The following MAGI2 variants were observed in gnomAD, a reference collection of about 807,000 sequenced individuals.
MAGI2 encodes membrane associated guanylate kinase, WW and PDZ domain containing 2, also known as membrane-associated guanylate kinase, WW and PDZ domain-containing protein 2.
Under a neutral mutation model 133.3 loss-of-function variants are expected in MAGI2, and 35 were observed. That is an observed-to-expected ratio of 0.26 (90% CI 0.20 to 0.35). The LOEUF (loss-of-function observed/expected upper bound fraction) is 0.35, where lower values mean the gene tolerates loss of function less well. Ranked by LOEUF, MAGI2 falls within the 10% of genes least tolerant of loss-of-function variation. MAGI2 has a pLI of 1.00. For missense variants in MAGI2, 1,636 were observed against 1,863.4 expected (o/e 0.88, Z 2.25); for synonymous variants, 729 against 710.6 (o/e 1.03, Z -0.41).
At chr7:78,943,732 T>C (rs1801176644) in intron 2 of MAGI2, among the ~76,000 whole-genome samples, 1 of 152,200 alleles carries the variant, frequency 6.6e-6, no homozygotes, top group Admixed American at 6.5e-5. Context: ...TAGCATTTTG[T>C]TGCCTCGGTG....
At chr7:78,314,206 A>G (rs567173480) in intron 9 of MAGI2, among the ~76,000 whole-genome samples, 46 of 152,192 alleles carry the variant, frequency 3.0e-4, no homozygotes, top group Admixed American at 6.6e-4. Context: ...GGGTAGCTCA[A>G]GAGCCATATA....
At chr7:78,477,322 G>T (rs1435225488) in intron 6 of MAGI2, among the ~76,000 whole-genome samples, 2 of 151,928 alleles carry the variant, frequency 1.3e-5, no homozygotes, top group African/African-American at 2.4e-5. Context: ...AACAACAGAA[G>T]CTAATTCTTT....
At chr7:79,333,979 ATT>A (rs1315561073) in intron 1 of MAGI2, among the ~76,000 whole-genome samples, 1 of 152,190 alleles carries the variant, frequency 6.6e-6, no homozygotes, top group Non-Finnish European at 1.5e-5. Context: ...AATATTTAGT[ATT>A]TTAGAGTTAA....
intron 2 of MAGI2, among the ~76,000 whole-genome samples, chr7:78,956,665 G>A (rs1210067442): frequency 1.3e-5 from 2 of 152,268 alleles, no homozygotes; most frequent in South Asian, 2.1e-4. Flanking sequence ...AGATGAAGAG[G>A]GAACAACTGT....
intron 12 of MAGI2, among the ~76,000 whole-genome samples, chr7:78,192,129 C>G (rs982146544): frequency 6.6e-6 from 1 of 152,140 alleles, no homozygotes; most frequent in Non-Finnish European, 1.5e-5. Context: ...AGGAAGGACA[C>G]CATGAGATCA....
chr7:78,251,472 T>C (rs1792375121), intron 10 of MAGI2: 1 of 152,134 alleles, frequency 6.6e-6, no homozygotes, highest in Admixed American at 6.6e-5. Context: ...CTACATAGAA[T>C]ATATTATGGA....
chr7:79,334,649 G>A (rs1840308413), intron 1 of MAGI2, among the ~76,000 whole-genome samples: 2 of 152,102 alleles, frequency 1.3e-5, no homozygotes, highest in South Asian at 4.1e-4. Context: ...AAATAGTAAT[G>A]TTGTATTACC....
intron 16 of MAGI2, among the ~76,000 whole-genome samples, chr7:78,152,686 G>C (rs1402667502): frequency 6.6e-6 from 1 of 152,186 alleles, no homozygotes; most frequent in Non-Finnish European, 1.5e-5. Context: ...GAGGATATGT[G>C]CTTATCTTCG....
intron 16 of MAGI2, among the ~76,000 whole-genome samples, chr7:78,138,940 T>G (rs1389320519): frequency 6.6e-6 from 1 of 152,204 alleles, no homozygotes; most frequent in South Asian, 2.1e-4. Flanking sequence ...AGCGAATGAC[T>G]ATTGAGACTT....
At chr7:78,963,030 A>C (rs1393535547) in intron 2 of MAGI2, among the ~76,000 whole-genome samples, 1 of 152,092 alleles carries the variant, frequency 6.6e-6, no homozygotes, top group Non-Finnish European at 1.5e-5. Context: ...ATTTATCTTC[A>C]CTTGCTCCCT....
intron 1 of MAGI2, among the ~76,000 whole-genome samples, chr7:79,048,771 C>G (rs576332326): frequency 5.9e-5 from 9 of 152,050 alleles, no homozygotes; most frequent in African/African-American, 1.9e-4. Flanking sequence ...GTCGGGAGTT[C>G]GAGACCAGCC....
At chr7:79,060,263 A>G (rs1198305005) in intron 1 of MAGI2, among the ~76,000 whole-genome samples, 1 of 152,170 alleles carries the variant, frequency 6.6e-6, no homozygotes, top group African/African-American at 2.4e-5. Context: ...GGAAAATGCC[A>G]ATGATACATG....
At chr7:78,445,659 T>C (rs566735676) in intron 6 of MAGI2, among the ~76,000 whole-genome samples, 2 of 152,202 alleles carry the variant, frequency 1.3e-5, no homozygotes, top group East Asian at 3.9e-4. Context: ...AATTTCATGT[T>C]CTGGAAAATT....
chr7:78,800,038 T>G (rs551328941), intron 2 of MAGI2, among the ~76,000 whole-genome samples: 1 of 152,268 alleles, frequency 6.6e-6, no homozygotes, highest in South Asian at 2.1e-4. Flanking sequence ...TGATTAAACT[T>G]GCCCCTAGCA....
intron 6 of MAGI2, among the ~76,000 whole-genome samples, chr7:78,426,675 GC>G (rs1799312169): frequency 6.6e-6 from 1 of 151,918 alleles, no homozygotes; most frequent in African/African-American, 2.4e-5. Flanking sequence ...AAAATATCAA[GC>G]AGTCTACCAC....
chr7:78,997,478 T>C (rs574144840), intron 2 of MAGI2, among the ~76,000 whole-genome samples: 11 of 152,046 alleles, frequency 7.2e-5, no homozygotes, highest in African/African-American at 2.4e-4. Flanking sequence ...GGTGGTCGCC[T>C]GTAATCCTAA....
At chr7:78,980,586 G>T (rs1416582589) in intron 2 of MAGI2, among the ~76,000 whole-genome samples, 1 of 151,698 alleles carries the variant, frequency 6.6e-6, no homozygotes, top group African/African-American at 2.4e-5. Context: ...AATACCTAGT[G>T]TTTAATTCCA....
chr7:79,292,653 A>C (rs1433166878), intron 1 of MAGI2, among the ~76,000 whole-genome samples: 2 of 151,142 alleles, frequency 1.3e-5, no homozygotes, highest in African/African-American at 4.9e-5. Flanking sequence ...TAAAAGAAAA[A>C]AAAAGTTTTA....
At chr7:78,438,178 T>C (rs1036199037) in intron 6 of MAGI2, among the ~76,000 whole-genome samples, 3 of 152,058 alleles carry the variant, frequency 2.0e-5, no homozygotes, top group South Asian at 2.1e-4. Context: ...AATATTATCT[T>C]CTGTATTCTG....
Sources: gnomAD v4.1 joint callset for allele counts (sites outside exome capture counted in the v4.1 genomes callset) on GRCh38, gnomAD v4.1.1 for gene constraint, MANE v1.5 for transcripts, NCBI Gene and HGNC (gene_info 2026-07-23, HGNC 2026-07-21) for gene names.